The following STPG2 variants were observed in gnomAD, a reference collection of about 807,000 sequenced individuals.
STPG2 encodes sperm tail PG-rich repeat containing 2.
In STPG2, 56 loss-of-function variants were observed where a neutral mutation model predicts 54.2. The ratio of observed to expected loss-of-function variants is 1.03; its 90% CI spans 0.83 to 1.29. STPG2 has a LOEUF of 1.29. STPG2 is among the 50% of genes most tolerant of loss of function. The pLI is 0.00. For synonymous variants in STPG2, 200 were observed against 181.8 expected (o/e 1.10, Z -0.81); for missense variants, 596 against 544.9 (o/e 1.09, Z -0.93).
chr4:97,616,048 ATACATATAAATATAT>A (rs1265872455), intron 10 of STPG2, among the ~76,000 whole-genome samples: 1,256 of 91,876 alleles, frequency 0.014, 86 homozygotes, highest in African/African-American at 0.05. Context: ...AAAAAAAAAA[ATACATATAAATATAT>A]ATATATATAT....
At chr4:97,752,872 A>G (rs919282666) in intron 9 of STPG2, among the ~76,000 whole-genome samples, 1 of 151,842 alleles carries the variant, frequency 6.6e-6, no homozygotes, top group Admixed American at 6.6e-5. Context: ...CTAAACTCTT[A>G]GTTCTCTAAA....
chr4:98,122,570 G>C (rs188766383), intron 3 of STPG2, among the ~76,000 whole-genome samples: 1 of 152,306 alleles, frequency 6.6e-6, no homozygotes, highest in East Asian at 1.9e-4. Flanking sequence ...TGGGCTGCTG[G>C]ATTTGGCTTG....
intron 5 of STPG2, among the ~76,000 whole-genome samples, chr4:98,014,823 C>T (rs1156885289): frequency 1.3e-5 from 2 of 152,046 alleles, no homozygotes; most frequent in Admixed American, 6.6e-5. Context: ...AATTTTTGCT[C>T]ACCTGGGAAA....
chr4:97,861,758 G>T (rs998436967), intron 8 of STPG2, among the ~76,000 whole-genome samples: 3 of 152,138 alleles, frequency 2.0e-5, no homozygotes, highest in Non-Finnish European at 2.9e-5. Flanking sequence ...AGAGAGTGGG[G>T]CCCAATATTC....
intron 3 of STPG2, among the ~76,000 whole-genome samples, chr4:98,117,742 T>C (rs116724783): frequency 3.2e-4 from 48 of 152,228 alleles, no homozygotes; most frequent in African/African-American, 1.1e-3. Flanking sequence ...TCCATTATTG[T>C]AATTTTCAAA....
chr4:98,061,970 G>T (rs894170586), intron 5 of STPG2, among the ~76,000 whole-genome samples: 6 of 152,098 alleles, frequency 3.9e-5, no homozygotes, highest in African/African-American at 1.4e-4. Context: ...GAATATAAAT[G>T]ATTCTACCAT....
chr4:97,574,378 G>A (rs1300832342), intron 10 of STPG2, among the ~76,000 whole-genome samples: 1 of 151,736 alleles, frequency 6.6e-6, no homozygotes, highest in Non-Finnish European at 1.5e-5. Context: ...ATGTGACACA[G>A]GAACCTTCAG....
At chr4:97,968,676 T>C (rs556397754) in intron 7 of STPG2, among the ~76,000 whole-genome samples, 32 of 152,052 alleles carry the variant, frequency 2.1e-4, no homozygotes, top group Admixed American at 8.5e-4. Context: ...ACAGAACCAA[T>C]GACAAAAACC....
intron 4 of STPG2, among the ~76,000 whole-genome samples, chr4:97,449,566 A>C (rs1446107779): frequency 6.6e-6 from 1 of 152,204 alleles, no homozygotes. Flanking sequence ...GAAGTCACTC[A>C]ATCAGTATTC....
chr4:97,532,547 TTCCTCAAATTAAGAAAACCA>T (rs1378516202), intron 4 of STPG2, among the ~76,000 whole-genome samples: 6 of 152,278 alleles, frequency 3.9e-5, no homozygotes, highest in African/African-American at 1.4e-4. Context: ...AGAATTTGCT[TTCCTCAAATTAAGAAAACCA>T]AGTGGAAAGA....
chr4:97,617,256 C>A (rs1733898162), intron 10 of STPG2, among the ~76,000 whole-genome samples: 1 of 151,670 alleles, frequency 6.6e-6, no homozygotes, highest in Admixed American at 6.6e-5. Flanking sequence ...TAATAAATAA[C>A]AAGCAGAAAA....
chr4:97,781,747 C>T (rs993732537), intron 9 of STPG2, among the ~76,000 whole-genome samples: 1 of 152,162 alleles, frequency 6.6e-6, no homozygotes, highest in Non-Finnish European at 1.5e-5. Context: ...ATCAAGTGGG[C>T]TTCATCCCTG....
rs142170741 is a variant in STPG2 at position 97,918,279 on chromosome 4, T to G, written c.1044+25618A>C. Among the ~76,000 whole-genome samples, 37 of 152,252 alleles carry G rather than the reference T, an allele frequency of 2.4e-4. No homozygotes were observed. The East Asian group carries it at 6.9e-3, about 29-fold the overall frequency. ...AGACTTCAAAATAGATGAAAACAAT[T>G]GTCAGAGATAACCAAGATGTTCCAG... On this transcript the variant is annotated intron_variant, in intron 8 of 10. Coordinates refer to ENST00000295268, the MANE Select transcript of STPG2 (RefSeq NM_174952.3).
intron 8 of STPG2, among the ~76,000 whole-genome samples, chr4:97,847,433 T>C (rs536902771): frequency 1.3e-5 from 2 of 152,212 alleles, no homozygotes; most frequent in Non-Finnish European, 2.9e-5. Flanking sequence ...TATGTAAAAA[T>C]GGAAAATACT....
chr4:97,627,324 G>T (rs1326322935), intron 10 of STPG2, among the ~76,000 whole-genome samples: 12 of 152,144 alleles, frequency 7.9e-5, no homozygotes, highest in Admixed American at 7.2e-4. Context: ...GAGATTCATT[G>T]CCTAGTGCTG....
chr4:97,818,735 C>A (rs1228887995), intron 9 of STPG2, among the ~76,000 whole-genome samples: 3 of 151,788 alleles, frequency 2.0e-5, no homozygotes, highest in Non-Finnish European at 4.4e-5. Flanking sequence ...CCTGCATATT[C>A]AATCTCTCCT....
intron 9 of STPG2, among the ~76,000 whole-genome samples, chr4:97,730,747 T>C (rs1393128280): frequency 6.6e-6 from 1 of 152,212 alleles, no homozygotes; most frequent in East Asian, 1.9e-4. Flanking sequence ...ACTGGATTGA[T>C]TCAAAGAATC....
chr4:97,704,922 T>C (rs1003573801), intron 10 of STPG2, among the ~76,000 whole-genome samples: 15 of 152,098 alleles, frequency 9.9e-5, no homozygotes, highest in African/African-American at 3.4e-4. Context: ...TCATTCCTTA[T>C]AAGAAATTTA....
In STPG2 at chr4:97,754,259, G is replaced by T. The variant is rs563283547; in HGVS notation, c.1205-41445C>A. ...TCTGAGCTTCCAAGAAATTGAAAGA[G>T]ATAACAGCCAAATCCTCAAACAGTC... On this transcript the variant is annotated intron_variant, in intron 9 of 10. Transcript: ENST00000295268. Among the ~76,000 whole-genome samples the T allele has an allele frequency of 7.9e-5, 12 of 152,186 alleles. No individual in the cohort carries two copies. In the East Asian group the frequency reaches 2.1e-3, roughly 27 times the overall value.
Sources: gnomAD v4.1 joint callset for allele counts (sites outside exome capture counted in the v4.1 genomes callset) on GRCh38, gnomAD v4.1.1 for gene constraint, MANE v1.5 for transcripts, NCBI Gene and HGNC (gene_info 2026-07-23, HGNC 2026-07-21) for gene names.